KCNN2: variants seen among roughly 807,000 people sequenced by gnomAD.
The protein encoded by KCNN2 is small conductance calcium-activated potassium channel protein 2.
KCNN2 carries 24 observed loss-of-function variants against 55.5 expected under a neutral mutation model. The observed-to-expected ratio is 0.43, with a 90% CI of 0.31 to 0.61. The LOEUF (loss-of-function observed/expected upper bound fraction) is 0.61, where lower values mean the gene tolerates loss of function less well. KCNN2 is among the 20% of genes least tolerant of loss of function. KCNN2 has a pLI of 0.08. For synonymous variants in KCNN2, 431 were observed against 336.1 expected (o/e 1.28, Z -3.09); for missense variants, 754 against 853.6 (o/e 0.88, Z 1.45).
At chr5:114,365,851 G>T (rs1580753341) in intron 2 of KCNN2, among the ~76,000 whole-genome samples, 1 of 151,672 alleles carries the variant, frequency 6.6e-6, no homozygotes, top group Non-Finnish European at 1.5e-5. Context: ...AGATCTTGCT[G>T]GGTTTTATTA....
At chr5:114,336,595 A>G (rs1756928616) in intron 2 of KCNN2, among the ~76,000 whole-genome samples, 1 of 152,354 alleles carries the variant, frequency 6.6e-6, no homozygotes. Flanking sequence ...AGATAAACAC[A>G]TATGAATACA....
intron 2 of KCNN2, among the ~76,000 whole-genome samples, chr5:114,277,897 T>G (rs1755525305): frequency 6.6e-6 from 1 of 152,178 alleles, no homozygotes; most frequent in Non-Finnish European, 1.5e-5. Context: ...AGGAGTCGTT[T>G]TCCTTTGGAG....
intron 1 of KCNN2, among the ~76,000 whole-genome samples, chr5:114,117,264 C>T (rs1417829620): frequency 6.6e-5 from 10 of 152,088 alleles, no homozygotes; most frequent in Admixed American, 3.3e-4. Context: ...CTCTGAGAAC[C>T]GCAGTAGCTT....
chr5:114,280,228 A>C (rs918643361), intron 2 of KCNN2, among the ~76,000 whole-genome samples: 2 of 152,032 alleles, frequency 1.3e-5, no homozygotes, highest in African/African-American at 4.8e-5. Flanking sequence ...AGATTGTAAA[A>C]ATTTTCTCCT....
chr5:114,239,327 A>G (rs1163817711), intron 2 of KCNN2, among the ~76,000 whole-genome samples: 21 of 152,328 alleles, frequency 1.4e-4, no homozygotes, highest in Non-Finnish European at 8.8e-5. Context: ...GAGAAGGAAA[A>G]GAGGAAAAGT....
chr5:114,060,785 A>G (rs931343505), intron 1 of KCNN2, among the ~76,000 whole-genome samples: 1 of 152,256 alleles, frequency 6.6e-6, no homozygotes, highest in Non-Finnish European at 1.5e-5. Flanking sequence ...TTTCTAGTGT[A>G]GTGCCTGGCA....
At chr5:114,308,866 A>G (rs1756342616) in intron 2 of KCNN2, among the ~76,000 whole-genome samples, 1 of 152,222 alleles carries the variant, frequency 6.6e-6, no homozygotes, top group African/African-American at 2.4e-5. Context: ...ATTATGCTAC[A>G]TTATTCCTTT....
chr5:114,136,120 T>A (rs1453475263), intron 1 of KCNN2, among the ~76,000 whole-genome samples: 1 of 152,130 alleles, frequency 6.6e-6, no homozygotes. Flanking sequence ...AAGCATAGCA[T>A]CATGGAACAG....
intron 2 of KCNN2, among the ~76,000 whole-genome samples, chr5:114,335,659 T>C (rs1756907849): frequency 6.6e-6 from 1 of 152,172 alleles, no homozygotes; most frequent in Non-Finnish European, 1.5e-5. Flanking sequence ...CTGGTTTTCA[T>C]TAAATGTGGA....
At chr5:114,450,714 G>T (rs766612061) in intron 3 of KCNN2, among the ~76,000 whole-genome samples, 84 of 152,268 alleles carry the variant, frequency 5.5e-4, no homozygotes, top group Non-Finnish European at 1.0e-3. Flanking sequence ...TTCAGAACAG[G>T]AGTAATACCG....
chr5:114,167,256 G>A (rs372222709), intron 1 of KCNN2, among the ~76,000 whole-genome samples: 5 of 152,024 alleles, frequency 3.3e-5, no homozygotes, highest in African/African-American at 9.7e-5. Flanking sequence ...TGCCATATTC[G>A]TATTCTGACA....
chr5:114,472,237 C>T (rs1010515279), intron 4 of KCNN2, among the ~76,000 whole-genome samples: 2 of 127,578 alleles, frequency 1.6e-5, no homozygotes, highest in South Asian at 2.7e-4. Context: ...AGTAGTTGCT[C>T]GTCTTTCAGC....
intron 1 of KCNN2, among the ~76,000 whole-genome samples, chr5:114,122,813 C>A (rs372129171): frequency 9.7e-4 from 147 of 152,324 alleles, no homozygotes; most frequent in African/African-American, 3.4e-3. Context: ...GGCTGCTTGG[C>A]TGCAGACATA....
intron 2 of KCNN2, among the ~76,000 whole-genome samples, chr5:114,303,024 G>T (rs901561153): frequency 6.6e-6 from 1 of 152,176 alleles, no homozygotes; most frequent in African/African-American, 2.4e-5. Context: ...AGTAAACTTC[G>T]ATATACGTCG....
intron 2 of KCNN2, among the ~76,000 whole-genome samples, chr5:114,270,617 A>C (rs1309121278): frequency 6.6e-6 from 1 of 152,170 alleles, no homozygotes; most frequent in Non-Finnish European, 1.5e-5. Flanking sequence ...TTATTATCTC[A>C]AACTGTTTAT....
intron 2 of KCNN2, among the ~76,000 whole-genome samples, chr5:114,404,133 G>A (rs757638284): frequency 3.9e-5 from 6 of 152,190 alleles, no homozygotes; most frequent in Non-Finnish European, 8.8e-5. Context: ...CTTCATCTGA[G>A]GGGGTTTTCA....
At chr5:114,196,147 TTAATA>T (rs781335135) in intron 1 of KCNN2, among the ~76,000 whole-genome samples, 6 of 152,026 alleles carry the variant, frequency 3.9e-5, no homozygotes, top group Admixed American at 6.5e-5. Flanking sequence ...CTCTATTCTA[TTAATA>T]TAATATATTA....
At chr5:114,459,627 C>T (rs1242036334) in intron 3 of KCNN2, among the ~76,000 whole-genome samples, 1 of 152,132 alleles carries the variant, frequency 6.6e-6, no homozygotes, top group Non-Finnish European at 1.5e-5. Flanking sequence ...TGAATATTCA[C>T]AATCATGTAT....
At chr5:114,137,163 A>C (rs1752190209) in intron 1 of KCNN2, among the ~76,000 whole-genome samples, 1 of 152,116 alleles carries the variant, frequency 6.6e-6, no homozygotes, top group South Asian at 2.1e-4. Flanking sequence ...CACTGTAATC[A>C]TTGGCTCTTT....
Sources: gnomAD v4.1 joint callset for allele counts (sites outside exome capture counted in the v4.1 genomes callset) on GRCh38, gnomAD v4.1.1 for gene constraint, MANE v1.5 for transcripts, NCBI Gene and HGNC (gene_info 2026-07-23, HGNC 2026-07-21) for gene names.